ZFAT: variants seen among roughly 807,000 people sequenced by gnomAD.
ZFAT encodes the protein zinc finger protein ZFAT.
In ZFAT, 64 loss-of-function variants were observed where a neutral mutation model predicts 117.7. The observed-to-expected ratio is 0.54, with a 90% CI of 0.44 to 0.67. The LOEUF is 0.67. Among genes scored for constraint, ZFAT ranks in the 30% least tolerant of loss-of-function variants. The pLI is 0.00. For synonymous variants in ZFAT, 679 were observed against 615.0 expected (o/e 1.10, Z -1.54); for missense variants, 1,433 against 1,584.5 (o/e 0.90, Z 1.62).
chr8:134,675,313 A>G (rs1444164157), intron 1 of ZFAT, among the ~76,000 whole-genome samples: 1 of 152,220 alleles, frequency 6.6e-6, no homozygotes, highest in Admixed American at 6.5e-5. Flanking sequence ...AGCATATACA[A>G]GTATCAATAG....
chr8:134,585,705 A>G (rs1425422510), intron 9 of ZFAT, among the ~76,000 whole-genome samples: 1 of 152,184 alleles, frequency 6.6e-6, no homozygotes, highest in Non-Finnish European at 1.5e-5. Flanking sequence ...GGTGCAGGTT[A>G]ACTAGCTGTG....
the ZFAT span, among the ~76,000 whole-genome samples, chr8:134,752,573 G>T: frequency 1.3e-5 from 2 of 152,232 alleles, no homozygotes; most frequent in Admixed American, 6.5e-5. Context: ...GATCCTGAGT[G>T]TGTTAAGTCA....
At chr8:134,627,712 T>C (rs1829610375) in intron 3 of ZFAT, among the ~76,000 whole-genome samples, 1 of 152,176 alleles carries the variant, frequency 6.6e-6, no homozygotes, top group African/African-American at 2.4e-5. Context: ...TGTATGAGAA[T>C]CCATATTTTC....
intron 13 of ZFAT, among the ~76,000 whole-genome samples, chr8:134,514,272 C>A (rs1479938142): frequency 6.6e-6 from 1 of 152,196 alleles, no homozygotes; most frequent in Non-Finnish European, 1.5e-5. Context: ...CTAGCATCAG[C>A]TGGAAGCGAG....
chr8:134,734,703 A>G, the ZFAT span, among the ~76,000 whole-genome samples: 2 of 152,164 alleles, frequency 1.3e-5, no homozygotes, highest in Non-Finnish European at 2.9e-5. Context: ...GCATGCAGGA[A>G]CTGGACCAGA....
At chr8:134,509,850 C>T (rs1819684453) in intron 14 of ZFAT, 101 bp from the exon 15 acceptor site, 1 of 1,444,616 alleles carries the variant, frequency 6.9e-7, no homozygotes, top group Non-Finnish European at 9.3e-7. Flanking sequence ...ACGCCTTCTC[C>T]AGAGGATGCA....
chr8:134,541,481 T>G (rs1822248297), intron 11 of ZFAT, among the ~76,000 whole-genome samples: 1 of 152,174 alleles, frequency 6.6e-6, no homozygotes, highest in Non-Finnish European at 1.5e-5. Flanking sequence ...CCTCCAGAAC[T>G]GTGAGAAATA....
intron 15 of ZFAT, among the ~76,000 whole-genome samples, chr8:134,482,714 T>G (rs1817400747): frequency 6.6e-6 from 1 of 152,178 alleles, no homozygotes; most frequent in African/African-American, 2.4e-5. Context: ...TACAAAAAAG[T>G]TTTCCAATGT....
intron 7 of ZFAT, among the ~76,000 whole-genome samples, chr8:134,591,733 A>T (rs1434845505): frequency 2.6e-5 from 4 of 152,192 alleles, no homozygotes; most frequent in African/African-American, 7.2e-5. Flanking sequence ...CCATGTGCAG[A>T]TGGAGGCAGA....
intron 1 of ZFAT, among the ~76,000 whole-genome samples, chr8:134,671,188 G>GTACC (rs1832545154): frequency 6.6e-6 from 1 of 152,190 alleles, no homozygotes; most frequent in South Asian, 2.1e-4. Context: ...GGAGGAGCTG[G>GTACC]TACCATTCAT....
the ZFAT span, among the ~76,000 whole-genome samples, chr8:134,758,954 G>A: frequency 6.6e-6 from 1 of 152,066 alleles, no homozygotes; most frequent in African/African-American, 2.4e-5. Flanking sequence ...GAATCATGAT[G>A]GATCCAGGAT....
At chr8:134,556,138 T>G (rs1423000047) in intron 11 of ZFAT, among the ~76,000 whole-genome samples, 1 of 151,852 alleles carries the variant, frequency 6.6e-6, no homozygotes, top group Non-Finnish European at 1.5e-5. Context: ...CAAATGAAGA[T>G]CCTAGAAGTT....
intron 2 of ZFAT, among the ~76,000 whole-genome samples, chr8:134,647,273 A>G (rs1156978997): frequency 6.6e-6 from 1 of 152,208 alleles, no homozygotes; most frequent in Non-Finnish European, 1.5e-5. Context: ...CAAAAATCAT[A>G]CATGATCATC....
chr8:134,650,736 G>A (rs554205068), intron 2 of ZFAT, among the ~76,000 whole-genome samples: 2 of 152,154 alleles, frequency 1.3e-5, no homozygotes, highest in Non-Finnish European at 2.9e-5. Context: ...AGAATTAAGA[G>A]TCCAGAATTA....
chr8:134,822,849 A>T, the ZFAT span, among the ~76,000 whole-genome samples: 1 of 152,154 alleles, frequency 6.6e-6, no homozygotes, highest in Non-Finnish European at 1.5e-5. Context: ...AAGTAAGATT[A>T]AAAAGCGGCT....
chr8:134,583,371 C>T (rs1164285711), intron 10 of ZFAT, among the ~76,000 whole-genome samples: 1 of 152,206 alleles, frequency 6.6e-6, no homozygotes, highest in Admixed American at 6.5e-5. Flanking sequence ...TAGGTCAAAT[C>T]TGCCCAAATG....
Position 134,599,835 on chromosome 8 carries a change from T to C in ZFAT, c.2475+601A>G, listed in dbSNP as rs550258152. The C allele has an allele frequency of 2.6e-5, 12 of 454,894 alleles. No individual in the cohort carries two copies. In the East Asian group the frequency reaches 8.3e-4, roughly 32 times the overall value. The allele number at this position is 454,894 out of a possible 1,614,324, so 28.2% of individuals were successfully genotyped here. A position where few individuals can be genotyped will look rare whatever the true frequency, so the allele number is the denominator to read the frequency against. On this transcript the variant is annotated intron_variant, in intron 7 of 15. Transcript: ENST00000377838. ...ATTTGCAAAAATAAGCATTCATTCA[T>C]TGTGTTACAAGATCCTCCACCAAAG...
chr8:134,798,547 T>C, the ZFAT span, among the ~76,000 whole-genome samples: 2 of 152,126 alleles, frequency 1.3e-5, no homozygotes, highest in African/African-American at 4.8e-5. Context: ...GTAGAATGTT[T>C]CACTGCATTA....
At chr8:134,529,613 A>G (rs1310510805) in intron 12 of ZFAT, among the ~76,000 whole-genome samples, 1 of 152,224 alleles carries the variant, frequency 6.6e-6, no homozygotes, top group Non-Finnish European at 1.5e-5. Flanking sequence ...CAGTACATCC[A>G]GACAGGCCCT....
Sources: gnomAD v4.1 joint callset for allele counts (sites outside exome capture counted in the v4.1 genomes callset) on GRCh38, gnomAD v4.1.1 for gene constraint, MANE v1.5 for transcripts, NCBI Gene and HGNC (gene_info 2026-07-23, HGNC 2026-07-21) for gene names.